Variants in UBAC1 observed in about 807,000 individuals in gnomAD.
UBAC1 encodes ubiquitin-associated domain-containing protein 1.
In UBAC1, 27 loss-of-function variants were observed where a neutral mutation model predicts 45.9. The observed-to-expected ratio is 0.59, with a 90% CI of 0.43 to 0.81. The LOEUF is 0.81. Ranked by LOEUF, UBAC1 falls within the 30% of genes least tolerant of loss-of-function variation. The pLI, the probability that UBAC1 is intolerant of heterozygous loss-of-function variation, is 0.00. For missense variants in UBAC1, 529 were observed against 539.2 expected, an observed-to-expected ratio of 0.98 and a Z score of 0.19; for synonymous variants, 227 against 215.5, an observed-to-expected ratio of 1.05 and a Z score of -0.47.
At chr9:135,933,574 G>T (rs1390998128) in intron 9 of UBAC1, 59 bp from the exon 10 acceptor site, 20 of 1,294,972 alleles carry the variant, frequency 1.5e-5, no homozygotes, top group Non-Finnish European at 1.9e-5. Flanking sequence ...CACAGGCACA[G>T]GCGTGACTTT....
At position 135,946,085 on chromosome 9, in the gene UBAC1, T is replaced by G. The variant is rs1839330444; in HGVS notation, c.545-88A>C. 4 of 1,334,258 alleles carry G rather than the reference T, an allele frequency of 3.0e-6. No individual in the cohort carries two copies. The Admixed American group carries it at 7.2e-5, about 24-fold the overall frequency. 82.7% of individuals were successfully genotyped at this position (1,334,258 alleles called of 1,614,324 possible). ...CAAACATTTGCAGCAATTATCTGTC[T>G]GAGCTCCACCTGCCCGCCCTCAGGC... On this transcript the variant is annotated intron_variant, in intron 5 of 9. Coordinates refer to ENST00000371756, the MANE Select transcript of UBAC1 (RefSeq NM_016172.3).
At chr9:135,947,443 G>T (rs987712354) in intron 4 of UBAC1, 1 of 192,914 alleles carries the variant, frequency 5.2e-6, no homozygotes, top group Non-Finnish European at 1.1e-5. Context: ...AGTAGAGACG[G>T]AGTTTCATCA....
Position 135,939,675 on chromosome 9 carries a change from C to T in UBAC1, c.961G>A (p.Ala321Thr), listed in dbSNP as rs749104374. The T allele has an allele frequency of 2.5e-6, 4 of 1,612,898 alleles. No individual in the cohort carries two copies. Among genetic ancestry groups the T allele is most frequent in the Non-Finnish European group, 3.4e-6 (4 of 1,179,240 alleles). ...LRVNNNQQNAACEWLLGDRKP... is the reference protein window; with the variant it reads ...LRVNNNQQNATCEWLLGDRKP... The stretch of plus-strand genomic sequence containing the variant: ...ACTCACCACAGCCCAACACTCACCG[C>T]GGCATTCTGCTGGTTGTTGTTCACT... Residue 321 changes from alanine to threonine, a missense_variant and splice_region_variant, in exon 8 of 10, where the codon GCG becomes ACG. By Grantham distance (58) the Ala-to-Thr change is moderately conservative. Transcript: ENST00000371756.
chr9:135,947,740 C>G (rs1839354346), intron 4 of UBAC1, 58 bp downstream of exon 4: 1 of 1,451,876 alleles, frequency 6.9e-7, no homozygotes, highest in Middle Eastern at 1.9e-4. Flanking sequence ...AACCCCCCCA[C>G]AGCAATCCCC....
chr9:135,958,030 G>A (rs376816656), intron 1 of UBAC1, among the ~76,000 whole-genome samples: 8 of 144,570 alleles, frequency 5.5e-5, no homozygotes, highest in Admixed American at 2.1e-4. Context: ...AAACTCTACT[G>A]CACCACAGGT....
Position 135,960,979 on chromosome 9 carries a change from G to A in UBAC1, c.138+46C>T, listed in dbSNP as rs745580720. 1.2e-5 allele frequency: 17 copies of A among 1,444,930 alleles called. No homozygotes were observed. In the South Asian group the frequency reaches 1.8e-4, roughly 16 times the overall value. 89.5% of individuals were successfully genotyped at this position (1,444,930 alleles called of 1,614,324 possible). On this transcript the variant is annotated intron_variant, in intron 1 of 9. Coordinates refer to ENST00000371756, the MANE Select transcript of UBAC1 (RefSeq NM_016172.3). ...ACTGAGGCGGGGTCCGCAGTCGGAG[G>A]GGTCCGGAGCGGGTGTTGGGGGCAG...
intron 2 of UBAC1, among the ~76,000 whole-genome samples, chr9:135,954,899 T>C (rs1240515759): frequency 6.6e-6 from 1 of 152,240 alleles, no homozygotes; most frequent in African/African-American, 2.4e-5. Flanking sequence ...ATGTCTGCTC[T>C]TCAAGTGCCT....
At chr9:135,945,556 CG>C in intron 6 of UBAC1, 1 of 499,706 alleles carries the variant, frequency 2.0e-6, no homozygotes, top group South Asian at 3.4e-5. Flanking sequence ...CCCTGGATCT[CG>C]GATTATTCAT....
chr9:135,933,842 C>T lies in UBAC1; in HGVS notation c.1103-327G>A, dbSNP rs137956961. On this transcript the variant is annotated intron_variant, in intron 9 of 9. Transcript: ENST00000371756. ...CAAAAATCATCTTCCCCAACAACTCCACTTCCAATCCCACCCCGAGAAGGT... is the reference window on the plus strand; with the variant it reads ...CAAAAATCATCTTCCCCAACAACTCTACTTCCAATCCCACCCCGAGAAGGT... Among the ~76,000 whole-genome samples the T allele has an allele frequency of 1.5e-3, 222 of 152,298 alleles. 3 individuals carry two copies. The highest frequency in any genetic ancestry group is 3.3e-3 in the Admixed American group (51 of 15,300).
At chr9:135,946,071 A>C (rs986872188) in intron 5 of UBAC1, 74 bp from the exon 6 acceptor site, 1 of 1,412,178 alleles carries the variant, frequency 7.1e-7, no homozygotes, top group Non-Finnish European at 9.9e-7. Context: ...AAACATTTGC[A>C]GCAATTATCT....
At chr9:135,946,186 A>G in intron 5 of UBAC1, 83 bp downstream of exon 5, 3 of 1,120,918 alleles carry the variant, frequency 2.7e-6, no homozygotes, top group Non-Finnish European at 4.1e-6. Context: ...GGTTCCGGTC[A>G]GTGGTCAGTG....
chr9:135,949,846 T>C (rs768906137), intron 3 of UBAC1, among the ~76,000 whole-genome samples: 18 of 152,006 alleles, frequency 1.2e-4, no homozygotes, highest in Non-Finnish European at 2.5e-4. Context: ...GGGGAAAGAG[T>C]ATGATCCTTG....
intron 3 of UBAC1, among the ~76,000 whole-genome samples, chr9:135,950,672 GGA>G (rs1839396317): frequency 6.6e-6 from 1 of 152,208 alleles, no homozygotes; most frequent in Middle Eastern, 3.2e-3. Context: ...CCTCAAGGGA[GGA>G]GAGAGGGAGG....
intron 8 of UBAC1, 50 bp from the exon 9 acceptor site, chr9:135,938,410 G>A (rs200284234): frequency 3.6e-5 from 57 of 1,588,096 alleles, no homozygotes; most frequent in African/African-American, 1.3e-4. Context: ...CAGTGCCTCC[G>A]CAAGACGCCA....
rs1588532605 is a variant in UBAC1, at chr9:135,945,048, C to T, written c.856G>A (p.Glu286Lys). 1 of 1,613,946 alleles carries T rather than the reference C, an allele frequency of 6.2e-7. No individual in the cohort carries two copies. The highest frequency in any genetic ancestry group is 1.3e-5 in the African/African-American group (1 of 75,056). Reference sequence around the variant, plus strand: ...CATACCCGAGCATCAGCCCGAAACTCCCTTTTCCTCCGGATCTTCTTGAAG... The same window carrying T: ...CATACCCGAGCATCAGCCCGAAACTTCCTTTTCCTCCGGATCTTCTTGAAG... ...EIFKKIRRKREFRADARAVIS... is the reference protein window; with the variant it reads ...EIFKKIRRKRKFRADARAVIS... Residue 286 changes from glutamate (E) to lysine (K), a missense_variant, in exon 7 of 10, where the codon GAG becomes AAG. Transcript: ENST00000371756.
At chr9:135,953,440 C>A (rs1321600079) in intron 3 of UBAC1, among the ~76,000 whole-genome samples, 1 of 152,200 alleles carries the variant, frequency 6.6e-6, no homozygotes, top group Non-Finnish European at 1.5e-5. Context: ...CCTCAGCCTC[C>A]TGAGCTGCTG....
intron 1 of UBAC1, among the ~76,000 whole-genome samples, chr9:135,960,044 A>T (rs1588537849): frequency 6.6e-6 from 1 of 152,194 alleles, no homozygotes; most frequent in East Asian, 1.9e-4. Flanking sequence ...GTAAGAACTG[A>T]AGTTTATCCT....
chr9:135,942,087 G>A (rs192015062), intron 7 of UBAC1: 2 of 152,348 alleles, frequency 1.3e-5, no homozygotes, highest in East Asian at 1.9e-4. Flanking sequence ...AAACGAGCAC[G>A]TTAAGATTGT....
At chr9:135,942,037 G>A (rs973631183) in intron 7 of UBAC1, 1 of 152,264 alleles carries the variant, frequency 6.6e-6, no homozygotes, top group African/African-American at 2.4e-5. Context: ...CTGACACAGA[G>A]AGATGACGGG....
Sources: gnomAD v4.1 joint callset for allele counts (sites outside exome capture counted in the v4.1 genomes callset) on GRCh38, gnomAD v4.1.1 for gene constraint, MANE v1.5 for transcripts, NCBI Gene and HGNC (gene_info 2026-07-23, HGNC 2026-07-21) for gene names.